PROS1: variants seen among roughly 807,000 people sequenced by gnomAD.
The protein encoded by PROS1 is vitamin K-dependent protein S.
Under a neutral mutation model 75.9 loss-of-function variants are expected in PROS1, and 29 were observed. That is an observed-to-expected ratio of 0.38 (90% confidence interval 0.28 to 0.52). The LOEUF (loss-of-function observed/expected upper bound fraction) is 0.52, where lower values mean the gene tolerates loss of function less well. Among genes scored for constraint, PROS1 ranks in the 20% least tolerant of loss-of-function variants. The probability of loss-of-function intolerance (pLI) is 0.83; values close to 1 mark genes in which losing one functional copy is unlikely to be tolerated. For missense variants in PROS1, 680 were observed against 810.3 expected, an observed-to-expected ratio of 0.84 and a Z score of 1.95; for synonymous variants, 245 against 280.6, an observed-to-expected ratio of 0.87 and a Z score of 1.27.
intron 6 of PROS1, 37 bp from the exon 7 acceptor site, chr3:93,900,966 C>T: frequency 1.9e-6 from 3 of 1,601,284 alleles, no homozygotes; most frequent in Non-Finnish European, 2.6e-6. Flanking sequence ...AACATTTTTC[C>T]CATACCAGCA....
chr3:93,929,673 C>T (rs1028354125), intron 1 of PROS1, among the ~76,000 whole-genome samples: 6 of 152,240 alleles, frequency 3.9e-5, no homozygotes, highest in African/African-American at 1.2e-4. Context: ...ATGTAAATAT[C>T]ATGTGGAAAA....
chr3:93,874,376 C>T lies in PROS1; in HGVS notation c.1900G>A (p.Ala634Thr). Residue 634 changes from alanine to threonine, a missense_variant, in exon 15 of 15, where the codon GCC becomes ACC. Coordinates refer to ENST00000394236, the MANE Select transcript of PROS1 (RefSeq NM_000313.4). ...DVPFSATPVN[A>T]FYNGCMEVNI... ...ACTTCCATGCAGCCATTATAAAAGG[C>T]ATTCACTGGTGTGGCACTGAATGGA... 1 of 1,613,374 alleles carries T rather than the reference C, an allele frequency of 6.2e-7. No individual in the cohort carries two copies. Among genetic ancestry groups the T allele is most frequent in the Non-Finnish European group, 8.5e-7 (1 of 1,179,514 alleles).
intron 12 of PROS1, 124 bp from the exon 13 acceptor site, chr3:93,879,438 T>A (rs1708243399): frequency 7.5e-7 from 1 of 1,333,862 alleles, no homozygotes; most frequent in Admixed American, 1.7e-5. Context: ...TCCATTCCCT[T>A]TCTCAATGAT....
intron 1 of PROS1, among the ~76,000 whole-genome samples, chr3:93,952,978 G>T (rs959658715): frequency 6.6e-6 from 1 of 152,262 alleles, no homozygotes; most frequent in African/African-American, 2.4e-5. Flanking sequence ...AGAAAATCTA[G>T]AAGAAATGGA....
intron 1 of PROS1, among the ~76,000 whole-genome samples, chr3:93,938,530 G>A (rs1024042660): frequency 3.9e-5 from 6 of 152,048 alleles, no homozygotes; most frequent in African/African-American, 9.7e-5. Context: ...ATCCACCCAC[G>A]ACCTCAGGTC....
At chr3:93,879,667 T>C (rs1177784870) in intron 12 of PROS1, among the ~76,000 whole-genome samples, 2 of 152,206 alleles carry the variant, frequency 1.3e-5, no homozygotes, top group African/African-American at 4.8e-5. Context: ...CAAGCACACG[T>C]TTGAAAATTC....
chr3:93,881,343 GTAAA>G (rs1297766737), intron 12 of PROS1, among the ~76,000 whole-genome samples: 2 of 151,818 alleles, frequency 1.3e-5, no homozygotes, highest in Admixed American at 6.6e-5. Flanking sequence ...AACAAATGTA[GTAAA>G]TATAGACTAC....
chr3:93,900,759 C>T (rs779732213), intron 7 of PROS1, 45 bp downstream of exon 7: 1 of 1,610,532 alleles, frequency 6.2e-7, no homozygotes, highest in South Asian at 1.1e-5. Flanking sequence ...TCAGGGTTCA[C>T]ACCCACCCTC....
intron 1 of PROS1, among the ~76,000 whole-genome samples, chr3:93,969,122 CTTTTTTTT>C: frequency 8.7e-6 from 1 of 114,350 alleles, no homozygotes; most frequent in South Asian, 3.0e-4. Context: ...CTTTTGTTTT[CTTTTTTTT>C]TTTTTTTTTT....
intron 6 of PROS1, 91 bp downstream of exon 6, chr3:93,905,693 T>A (rs1449175530): frequency 7.2e-7 from 1 of 1,395,630 alleles, no homozygotes; most frequent in Non-Finnish European, 1.0e-6. Context: ...CACTTACATA[T>A]CATTTTTCCA....
At chr3:93,961,609 C>G (rs1382113301) in intron 1 of PROS1, among the ~76,000 whole-genome samples, 2 of 152,134 alleles carry the variant, frequency 1.3e-5, no homozygotes, top group African/African-American at 4.8e-5. Flanking sequence ...GACTTTTGAC[C>G]TATGCAACTG....
chr3:93,940,396 C>A (rs1265063856), intron 1 of PROS1, among the ~76,000 whole-genome samples: 1 of 152,110 alleles, frequency 6.6e-6, no homozygotes, highest in African/African-American at 2.4e-5. Flanking sequence ...ATGGAGGCTA[C>A]CCACTCCACA....
At chr3:93,899,131 A>T (rs1349274822) in intron 7 of PROS1, among the ~76,000 whole-genome samples, 1 of 151,966 alleles carries the variant, frequency 6.6e-6, no homozygotes, top group Admixed American at 6.6e-5. Flanking sequence ...GTTGGCAGTG[A>T]ATTTAGGGAA....
intron 8 of PROS1, among the ~76,000 whole-genome samples, chr3:93,898,014 A>G (rs553292450): frequency 6.6e-6 from 1 of 152,070 alleles, no homozygotes; most frequent in Non-Finnish European, 1.5e-5. Context: ...TTTTATGAGC[A>G]CTTTATAAAC....
chr3:93,882,794 C>T (rs1245088473), intron 12 of PROS1, among the ~76,000 whole-genome samples: 1 of 152,060 alleles, frequency 6.6e-6, no homozygotes, highest in Non-Finnish European at 1.5e-5. Flanking sequence ...CCGAAAAAGC[C>T]TCTCTCTTAA....
chr3:93,879,012 C>T, intron 13 of PROS1, 151 bp downstream of exon 13: 11 of 811,554 alleles, frequency 1.4e-5, no homozygotes, highest in Admixed American at 5.6e-5. Context: ...TTTTTTGAGT[C>T]CTTAATGATG....
At chr3:93,892,507 C>A (rs1384640278) in intron 10 of PROS1, among the ~76,000 whole-genome samples, 1 of 151,466 alleles carries the variant, frequency 6.6e-6, no homozygotes, top group African/African-American at 2.4e-5. Context: ...GCCTGTAATC[C>A]CAGCTACTCG....
chr3:93,914,265 G>A (rs578034556), intron 3 of PROS1, among the ~76,000 whole-genome samples: 3 of 152,234 alleles, frequency 2.0e-5, no homozygotes, highest in Non-Finnish European at 2.9e-5. Flanking sequence ...GCTGTAACAA[G>A]TCTTTGCCTG....
chr3:93,918,493 C>T (rs1334314859), intron 3 of PROS1, among the ~76,000 whole-genome samples: 2 of 152,000 alleles, frequency 1.3e-5, no homozygotes, highest in South Asian at 2.1e-4. Flanking sequence ...CACGAAGGTC[C>T]GAAGCTTCAC....
Sources: gnomAD v4.1 joint callset for allele counts (sites outside exome capture counted in the v4.1 genomes callset) on GRCh38, gnomAD v4.1.1 for gene constraint, MANE v1.5 for transcripts, NCBI Gene and HGNC (gene_info 2026-07-23, HGNC 2026-07-21) for gene names.